The following PDE3A variants were observed in gnomAD, a reference collection of about 807,000 sequenced individuals.
The protein encoded by PDE3A is phosphodiesterase 3A, also known as cGMP-inhibited 3',5'-cyclic phosphodiesterase 3A.
Under a neutral mutation model 98.3 loss-of-function variants are expected in PDE3A, and 43 were observed. That is an observed-to-expected ratio of 0.44 (90% CI 0.34 to 0.56). The LOEUF is 0.56. Among genes scored for constraint, PDE3A ranks in the 20% least tolerant of loss-of-function variants. The probability of loss-of-function intolerance (pLI) is 0.01; values close to 1 mark genes in which losing one functional copy is unlikely to be tolerated. For synonymous variants in PDE3A, 663 were observed against 567.9 expected (o/e 1.17, Z -2.38); for missense variants, 1,427 against 1,440.7 (o/e 0.99, Z 0.15).
chr12:20,516,464 T>A (rs1196890804), intron 1 of PDE3A, among the ~76,000 whole-genome samples: 1 of 152,210 alleles, frequency 6.6e-6, no homozygotes. Context: ...ATATTTTAAA[T>A]GTACTATGAT....
chr12:20,509,097 A>G (rs1034940304), intron 1 of PDE3A, among the ~76,000 whole-genome samples: 3 of 152,024 alleles, frequency 2.0e-5, no homozygotes, highest in African/African-American at 7.2e-5. Flanking sequence ...CGTCATCAAG[A>G]GCTGTTCTCA....
intron 1 of PDE3A, among the ~76,000 whole-genome samples, chr12:20,486,994 C>G (rs552239853): frequency 6.6e-6 from 1 of 152,228 alleles, no homozygotes; most frequent in East Asian, 1.9e-4. Context: ...TAGAGACTTT[C>G]AAAGCATTAC....
At position 20,677,501 on chromosome 12, in the gene PDE3A, C is replaced by T. The variant is rs534735205; in HGVS notation, c.3185-2529C>T. Among the ~76,000 whole-genome samples, 3 of 152,040 alleles carry T rather than the reference C, an allele frequency of 2.0e-5. No homozygotes were observed. In the East Asian group the frequency reaches 5.8e-4, roughly 30 times the overall value. On this transcript the variant is annotated intron_variant, in intron 15 of 15. Coordinates refer to ENST00000359062, the MANE Select transcript of PDE3A (RefSeq NM_000921.5). ...TTGAGACAGAGTCTCGCTCTGTCACCCAGGCTGGAGTGCAGTGGCACCATC... is the reference window on the plus strand; with the variant it reads ...TTGAGACAGAGTCTCGCTCTGTCACTCAGGCTGGAGTGCAGTGGCACCATC...
At chr12:20,653,476 C>T (rs575920717) in intron 14 of PDE3A, among the ~76,000 whole-genome samples, 358 of 152,052 alleles carry the variant, frequency 2.4e-3, no homozygotes, top group Middle Eastern at 6.8e-3. Flanking sequence ...GATTCTCCTG[C>T]CTCAGCCTCC....
chr12:20,475,799 A>G, intron 1 of PDE3A, among the ~76,000 whole-genome samples: 1 of 152,180 alleles, frequency 6.6e-6, no homozygotes, highest in Non-Finnish European at 1.5e-5. Flanking sequence ...GCATCTGGAA[A>G]GAAAATGGGA....
chr12:20,397,259 T>A (rs1944035896), intron 1 of PDE3A, among the ~76,000 whole-genome samples: 1 of 152,006 alleles, frequency 6.6e-6, no homozygotes. Context: ...TCTCTATATG[T>A]CTTTATATAT....
intron 2 of PDE3A, among the ~76,000 whole-genome samples, chr12:20,560,277 A>G (rs1942480745): frequency 6.6e-6 from 1 of 152,176 alleles, no homozygotes; most frequent in Non-Finnish European, 1.5e-5. Flanking sequence ...TAAAAGTCTG[A>G]TTTTTGGAAA....
chr12:20,658,959 A>G (rs1945100083), intron 15 of PDE3A, among the ~76,000 whole-genome samples: 1 of 152,140 alleles, frequency 6.6e-6, no homozygotes, highest in African/African-American at 2.4e-5. Context: ...TGGCAAGCCC[A>G]TCTTGGTCAC....
intron 1 of PDE3A, among the ~76,000 whole-genome samples, chr12:20,530,316 A>G (rs533459645): frequency 6.6e-6 from 1 of 152,312 alleles, no homozygotes; most frequent in South Asian, 2.1e-4. Flanking sequence ...TTAGTCAGCT[A>G]AACTTGAACA....
Position 20,552,105 on chromosome 12 carries a change from C to T in PDE3A, c.961-4555C>T, listed in dbSNP as rs1592049205. The T allele has an allele frequency of 6.2e-7, 1 of 1,613,034 alleles. No individual in the cohort carries two copies. The highest frequency in any genetic ancestry group is 8.5e-7 in the Non-Finnish European group (1 of 1,179,900). On this transcript the variant is annotated intron_variant, in intron 1 of 15. Transcript: ENST00000359062. This position sits in a 1 kb window ranked among gnomAD's most constrained non-coding sequence, Gnocchi z 5.1. Reference sequence around the variant, plus strand: ...GAGAGCTTTCCGGCAACAAGAGGACCGCGGAACAGTCTTGTGATCAGAAAC... The same window carrying T: ...GAGAGCTTTCCGGCAACAAGAGGACTGCGGAACAGTCTTGTGATCAGAAAC...
At chr12:20,488,540 C>A (rs1004910327) in intron 1 of PDE3A, among the ~76,000 whole-genome samples, 1 of 152,018 alleles carries the variant, frequency 6.6e-6, no homozygotes, top group Non-Finnish European at 1.5e-5. Context: ...AAGCAAGATG[C>A]AATTCGCAGC....
At chr12:20,515,898 A>G (rs1243060288) in intron 1 of PDE3A, among the ~76,000 whole-genome samples, 1 of 149,424 alleles carries the variant, frequency 6.7e-6, no homozygotes, top group Non-Finnish European at 1.5e-5. Context: ...ACGCCCGGCT[A>G]ATTTTTTGTA....
At chr12:20,679,301 G>A (rs745787742) in intron 15 of PDE3A, among the ~76,000 whole-genome samples, 17 of 152,270 alleles carry the variant, frequency 1.1e-4, no homozygotes, top group Middle Eastern at 3.4e-3. Flanking sequence ...AGGCTGGAGT[G>A]CAGTGGCTCT....
At chr12:20,379,443 A>G (rs1294080055) in intron 1 of PDE3A, among the ~76,000 whole-genome samples, 1 of 151,686 alleles carries the variant, frequency 6.6e-6, no homozygotes, top group Non-Finnish European at 1.5e-5. Flanking sequence ...CTTATGCTGT[A>G]TTGAGAATTT....
At chr12:20,563,110 G>A (rs1395656895) in intron 2 of PDE3A, among the ~76,000 whole-genome samples, 2 of 152,132 alleles carry the variant, frequency 1.3e-5, no homozygotes, top group African/African-American at 4.8e-5. Context: ...TCTCAAGGAT[G>A]AATTTTGATG....
intron 2 of PDE3A, among the ~76,000 whole-genome samples, chr12:20,581,690 G>A (rs1943070910): frequency 6.8e-6 from 1 of 146,240 alleles, no homozygotes; most frequent in African/African-American, 2.6e-5. Flanking sequence ...TCGGCTCACT[G>A]CAAGCTCCGC....
chr12:20,395,579 T>A (rs1012234392), intron 1 of PDE3A, among the ~76,000 whole-genome samples: 6 of 116,590 alleles, frequency 5.1e-5, no homozygotes, highest in Admixed American at 1.7e-4. Context: ...TACATAGTAT[T>A]ATATATGTAT....
intron 11 of PDE3A, 62 bp downstream of exon 11, chr12:20,646,665 T>C (rs1407334803): frequency 2.1e-6 from 3 of 1,433,798 alleles, no homozygotes; most frequent in Non-Finnish European, 9.8e-7. Context: ...TTTTTGTTTT[T>C]GTTTTTTTTC....
intron 1 of PDE3A, among the ~76,000 whole-genome samples, chr12:20,550,334 A>G (rs1942164930): frequency 6.6e-6 from 1 of 152,124 alleles, no homozygotes; most frequent in East Asian, 1.9e-4. Context: ...CTATTGCTCA[A>G]TTTATTGCCA....
Sources: gnomAD v4.1 joint callset for allele counts (sites outside exome capture counted in the v4.1 genomes callset) on GRCh38, gnomAD v4.1.1 for gene constraint, Gnocchi (gnomAD v3.1) non-coding constraint, MANE v1.5 for transcripts, NCBI Gene and HGNC (gene_info 2026-07-23, HGNC 2026-07-21) for gene names.